The following CEP128 variants were observed in gnomAD, a reference collection of about 807,000 sequenced individuals.
CEP128 encodes the protein centrosomal protein 128.
CEP128 carries 132 observed loss-of-function variants against 156.7 expected under a neutral mutation model. The observed-to-expected ratio is 0.84, with a 90% CI of 0.73 to 0.97. The LOEUF (loss-of-function observed/expected upper bound fraction) is 0.97, where lower values mean the gene tolerates loss of function less well. Among genes scored for constraint, CEP128 ranks in the 50% least tolerant of loss-of-function variants. CEP128 has a pLI of 0.00. For synonymous variants in CEP128, 469 were observed against 448.9 expected, an observed-to-expected ratio of 1.04 and a Z score of -0.57; for missense variants, 1,252 against 1,281.9, an observed-to-expected ratio of 0.98 and a Z score of 0.36.
chr14:80,482,612 C>A (rs748148724), intron 14 of CEP128, among the ~76,000 whole-genome samples: 1 of 152,162 alleles, frequency 6.6e-6, no homozygotes, highest in African/African-American at 2.4e-5. Flanking sequence ...AGCGACAAGA[C>A]ACATGAAAAG....
At chr14:80,547,916 A>G (rs1890053563) in intron 21 of CEP128, among the ~76,000 whole-genome samples, 1 of 151,656 alleles carries the variant, frequency 6.6e-6, no homozygotes, top group African/African-American at 2.4e-5. Flanking sequence ...CTCCTGCCTC[A>G]GCCTCCCAAG....
At chr14:80,853,093 A>G (rs1266976296) in intron 9 of CEP128, among the ~76,000 whole-genome samples, 1 of 151,880 alleles carries the variant, frequency 6.6e-6, no homozygotes, top group East Asian at 1.9e-4. Flanking sequence ...TGATTTTTAA[A>G]ATAAATAAAT....
rs1887907123 is a variant in CEP128, at chr14:80,505,010, G to A, written c.3083C>T (p.Thr1028Ile). The A allele has an allele frequency of 6.3e-7, 1 of 1,588,376 alleles. No homozygotes were observed. Among genetic ancestry groups the A allele is most frequent in the Non-Finnish European group, 8.6e-7 (1 of 1,164,552 alleles). Reference protein sequence around the residue: ...YRTKSFKGDRTFLEGSHTRGL... With the variant: ...YRTKSFKGDRIFLEGSHTRGL... The stretch of plus-strand genomic sequence containing the variant: ...ACGAGTGTGGGAACCTTCCAGAAAG[G>A]TTCTGTCACCCTAAGGAAAAAAAGG... Residue 1028 changes from threonine to isoleucine, a missense_variant, in exon 24 of 25, where the codon ACC (threonine) becomes ATC (isoleucine). Thr to Ile is a moderately conservative substitution (Grantham distance 89). Transcript: ENST00000555265.
Position 80,793,085 on chromosome 14 carries a change from C to G in CEP128, c.1235G>C (p.Gly412Ala). 6.2e-7 allele frequency: 1 copy of G among 1,612,672 alleles called. No homozygotes were observed. Among genetic ancestry groups the G allele is most frequent in the Non-Finnish European group, 8.5e-7 (1 of 1,178,764 alleles). ...CAACATCTGCAGTTGCTGTTTTTCC[C>G]CATTCTCCAGTTCACGTGTTAAATT... ...VENLTRELEN[G>A]EKQQLQMLDR... The change falls in exon 14 of 25, where the codon GGG becomes GCG. Residue 412 changes from glycine (G) to alanine (A), a missense_variant. Coordinates refer to ENST00000555265, the MANE Select transcript of CEP128 (RefSeq NM_152446.5).
chr14:80,492,797 C>T (rs182173016), downstream of CEP128, among the ~76,000 whole-genome samples: 91 of 152,078 alleles, frequency 6.0e-4, no homozygotes, highest in African/African-American at 2.1e-3. Context: ...TTAAAGTTGG[C>T]ATTTTTTTAA....
chr14:80,855,127 A>G (rs922756141), intron 9 of CEP128, among the ~76,000 whole-genome samples: 4 of 152,258 alleles, frequency 2.6e-5, no homozygotes, highest in African/African-American at 7.2e-5. Flanking sequence ...TAGGATTTTC[A>G]CTTGCTACAC....
intron 19 of CEP128, among the ~76,000 whole-genome samples, chr14:80,720,740 G>T (rs1427976130): frequency 6.6e-6 from 1 of 152,104 alleles, no homozygotes; most frequent in Non-Finnish European, 1.5e-5. Flanking sequence ...TAGACAACTT[G>T]GTCTAGGTAG....
intron 19 of CEP128, among the ~76,000 whole-genome samples, chr14:80,592,635 C>T (rs969273168): frequency 2.6e-5 from 4 of 152,164 alleles, no homozygotes; most frequent in Admixed American, 6.5e-5. Flanking sequence ...GGGAATCCTC[C>T]GTAACTTATT....
chr14:80,727,984 C>G (rs980552719), intron 19 of CEP128, among the ~76,000 whole-genome samples: 1 of 152,182 alleles, frequency 6.6e-6, no homozygotes. Flanking sequence ...CCATTCAACA[C>G]AGCAATCCCA....
At chr14:80,896,147 T>A (rs902619060) in intron 7 of CEP128, among the ~76,000 whole-genome samples, 13 of 152,048 alleles carry the variant, frequency 8.5e-5, no homozygotes, top group African/African-American at 3.1e-4. Context: ...CATTTTAAAT[T>A]AAGAAAAAAG....
At chr14:80,774,266 C>G (rs903840572) in intron 16 of CEP128, among the ~76,000 whole-genome samples, 1 of 152,078 alleles carries the variant, frequency 6.6e-6, no homozygotes, top group African/African-American at 2.4e-5. Flanking sequence ...TAAAACCACA[C>G]AGTCAAAATA....
intron 19 of CEP128, among the ~76,000 whole-genome samples, chr14:80,583,390 T>C (rs1478673663): frequency 1.3e-5 from 2 of 152,138 alleles, no homozygotes; most frequent in African/African-American, 2.4e-5. Flanking sequence ...CTTTTCCACA[T>C]GATTTCCATG....
At chr14:80,836,363 T>A in intron 11 of CEP128, 26 bp from the exon 12 acceptor site, 2 of 1,613,338 alleles carry the variant, frequency 1.2e-6, no homozygotes, top group Non-Finnish European at 1.7e-6. Flanking sequence ...AAATCAAACA[T>A]CGGTTTTCAC....
At chr14:80,654,342 T>G (rs1457885060) in intron 19 of CEP128, among the ~76,000 whole-genome samples, 1 of 152,128 alleles carries the variant, frequency 6.6e-6, no homozygotes, top group Non-Finnish European at 1.5e-5. Context: ...GATGAAGGGC[T>G]TGGGAGATAC....
intron 16 of CEP128, among the ~76,000 whole-genome samples, chr14:80,761,945 G>A (rs956290020): frequency 1.3e-5 from 2 of 152,022 alleles, no homozygotes; most frequent in Non-Finnish European, 1.5e-5. Flanking sequence ...AGTAAAAGAT[G>A]ATGTCAGACA....
In CEP128 at chr14:80,876,801, G is replaced by A. The variant is rs977922518; in HGVS notation, c.646-13928C>T. Among the ~76,000 whole-genome samples, 6 of 152,168 alleles carry A rather than the reference G, an allele frequency of 3.9e-5. No homozygotes were observed. The East Asian group carries it at 9.6e-4, about 24-fold the overall frequency. On this transcript the variant is annotated intron_variant, in intron 8 of 24. Coordinates refer to ENST00000555265, the MANE Select transcript of CEP128 (RefSeq NM_152446.5). ...GAGAAGATTTTTCACCAAAGCACAC[G>A]CTCTAAAGGAAATTCTAGACGGGAT...
At chr14:80,663,921 T>A (rs1895504320) in intron 19 of CEP128, among the ~76,000 whole-genome samples, 1 of 152,200 alleles carries the variant, frequency 6.6e-6, no homozygotes, top group Non-Finnish European at 1.5e-5. Context: ...GCAGCTCCAG[T>A]GCCAAATTTA....
At chr14:80,634,450 T>A (rs1225466884) in intron 19 of CEP128, among the ~76,000 whole-genome samples, 1 of 151,960 alleles carries the variant, frequency 6.6e-6, no homozygotes, top group Non-Finnish European at 1.5e-5. Flanking sequence ...AATATCAATA[T>A]AGATGTTTAT....
chr14:80,883,016 T>G (rs1026453770), intron 8 of CEP128, among the ~76,000 whole-genome samples: 3 of 152,176 alleles, frequency 2.0e-5, no homozygotes, highest in Non-Finnish European at 4.4e-5. Context: ...AATAAGAATT[T>G]AATTGTACAT....
Sources: allele counts gnomAD v4.1 joint callset (sites outside exome capture counted in the v4.1 genomes callset), GRCh38; gene constraint gnomAD v4.1.1; transcripts MANE v1.5; gene names NCBI Gene and HGNC (gene_info 2026-07-23, HGNC 2026-07-21).